MCC: variants seen among roughly 807,000 people sequenced by gnomAD.
MCC encodes colorectal mutant cancer protein.
MCC carries 90 observed loss-of-function variants against 116.2 expected under a neutral mutation model. The observed-to-expected ratio is 0.77, with a 90% CI of 0.65 to 0.92. The LOEUF (loss-of-function observed/expected upper bound fraction) is 0.92, where lower values mean the gene tolerates loss of function less well. Among genes scored for constraint, MCC ranks in the 40% least tolerant of loss-of-function variants. MCC has a pLI of 0.00. For missense variants in MCC, 1,516 were observed against 1,312.2 expected, an observed-to-expected ratio of 1.16 and a Z score of -2.40; for synonymous variants, 578 against 510.5, an observed-to-expected ratio of 1.13 and a Z score of -1.78.
At chr5:113,332,548 A>AATG (rs1162106188) in intron 3 of MCC, among the ~76,000 whole-genome samples, 6 of 141,844 alleles carry the variant, frequency 4.2e-5, no homozygotes, top group African/African-American at 1.4e-4. Flanking sequence ...TGGGTGACAG[A>AATG]ATGAGAACCT....
chr5:113,424,534 G>A (rs1770433430), intron 1 of MCC, among the ~76,000 whole-genome samples: 1 of 152,112 alleles, frequency 6.6e-6, no homozygotes, highest in Non-Finnish European at 1.5e-5. Context: ...CACCATCATG[G>A]TGAAACACCA....
In MCC at chr5:113,071,081, A is replaced by C; in HGVS notation, c.1925+13T>G. On this transcript the variant is annotated intron_variant, in intron 12 of 18. Coordinates refer to ENST00000408903, the MANE Select transcript of MCC (RefSeq NM_001085377.2). ...ACCCTGAAGTAGCTCCAAACATCCC[A>C]GTGTGTGCCTACCTGTACTGCAAGG... is the stretch of plus-strand genomic sequence containing the variant. The C allele has an allele frequency of 6.4e-7, 1 of 1,568,816 alleles. No individual in the cohort carries two copies. Among genetic ancestry groups the C allele is most frequent in the African/African-American group, 1.6e-5 (1 of 63,802 alleles).
At chr5:113,283,665 C>G (rs1766140071) in intron 3 of MCC, among the ~76,000 whole-genome samples, 1 of 152,124 alleles carries the variant, frequency 6.6e-6, no homozygotes, top group South Asian at 2.1e-4. Context: ...ATTCCCCCCG[C>G]AAAAAGAAAG....
In MCC at chr5:113,398,961, TAA is replaced by T. The variant is rs1173783063; in HGVS notation, c.171-13751_171-13750del. On this transcript the variant is annotated intron_variant, in intron 1 of 18. Coordinates refer to ENST00000408903, the MANE Select transcript of MCC (RefSeq NM_001085377.2). ...CAGCCACTAGTCACAGGTGGCTGTT[TAA>T]GTTTACATTTAAATTAATTAAAATG... Among the ~76,000 whole-genome samples the T allele has an allele frequency of 6.6e-5, 10 of 152,328 alleles. No homozygotes were observed. In the East Asian group the frequency reaches 1.5e-3, roughly 23 times the overall value.
intron 3 of MCC, among the ~76,000 whole-genome samples, chr5:113,212,637 C>A (rs1763174195): frequency 6.6e-6 from 1 of 152,202 alleles, no homozygotes; most frequent in African/African-American, 2.4e-5. Flanking sequence ...TTTTAGGCAA[C>A]ACCACCTGCA....
At chr5:113,100,176 T>A (rs918728908) in intron 8 of MCC, among the ~76,000 whole-genome samples, 1 of 152,142 alleles carries the variant, frequency 6.6e-6, no homozygotes, top group Non-Finnish European at 1.5e-5. Context: ...TGCCAGCCTT[T>A]TAATTATGAC....
intron 1 of MCC, among the ~76,000 whole-genome samples, chr5:113,432,320 C>CAAAAAAAAAAAAAAAAAAA (rs66577040): frequency 1.5e-5 from 1 of 68,610 alleles, no homozygotes; most frequent in African/African-American, 4.9e-5. Context: ...GACTCTGTCT[C>CAAAAAAAAAAAAAAAAAAA]AAAAAAAAAA....
intron 3 of MCC, among the ~76,000 whole-genome samples, chr5:113,217,507 G>C (rs1763369318): frequency 6.7e-6 from 1 of 149,080 alleles, no homozygotes; most frequent in South Asian, 2.1e-4. Flanking sequence ...AGTACATGGG[G>C]GCTAGAACAG....
intron 1 of MCC, among the ~76,000 whole-genome samples, chr5:113,428,973 C>A (rs1770552392): frequency 6.6e-6 from 1 of 152,146 alleles, no homozygotes; most frequent in Non-Finnish European, 1.5e-5. Context: ...TAACCTAGAC[C>A]TATTAAGGTA....
At chr5:113,210,832 C>A (rs186366922) in intron 3 of MCC, among the ~76,000 whole-genome samples, 12 of 152,286 alleles carry the variant, frequency 7.9e-5, no homozygotes, top group African/African-American at 2.9e-4. Context: ...TCGACCCTAA[C>A]CCTACCTTAC....
chr5:113,184,830 A>G (rs555054330), intron 3 of MCC, among the ~76,000 whole-genome samples: 1 of 152,304 alleles, frequency 6.6e-6, no homozygotes, highest in Admixed American at 6.5e-5. Flanking sequence ...TCGCATCTCC[A>G]ATTCTATAAT....
At chr5:113,193,837 T>A (rs1281081033) in intron 3 of MCC, among the ~76,000 whole-genome samples, 1 of 152,124 alleles carries the variant, frequency 6.6e-6, no homozygotes, top group Non-Finnish European at 1.5e-5. Context: ...ATGCTACATA[T>A]ACACCTAGGA....
At position 113,108,147 on chromosome 5, in the gene MCC, C is replaced by T. The variant is rs534121361; in HGVS notation, c.1028-3792G>A. On this transcript the variant is annotated intron_variant, in intron 6 of 18. Transcript: ENST00000408903. Reference sequence around the variant, plus strand: ...ATCACCTGAGATCAGGAGTTCAAGACTGGCCTGGCCAATATTGTGAAACCC... The same window carrying T: ...ATCACCTGAGATCAGGAGTTCAAGATTGGCCTGGCCAATATTGTGAAACCC... Among the ~76,000 whole-genome samples the T allele has an allele frequency of 1.8e-4, 27 of 151,736 alleles. No homozygotes were observed. The South Asian group carries it at 5.2e-3, about 29-fold the overall frequency.
At chr5:113,294,266 G>A in intron 3 of MCC, 14 of 1,610,026 alleles carry the variant, frequency 8.7e-6, no homozygotes, top group African/African-American at 1.3e-5. Context: ...GTCGAGGGGA[G>A]GGGGATTTGT....
chr5:113,061,927 T>C (rs1002662570), intron 14 of MCC, among the ~76,000 whole-genome samples: 1 of 152,228 alleles, frequency 6.6e-6, no homozygotes, highest in Non-Finnish European at 1.5e-5. Context: ...ATTACTATAA[T>C]TATCATAATT....
intron 5 of MCC, among the ~76,000 whole-genome samples, chr5:113,138,147 G>A (rs748480262): frequency 1.4e-4 from 21 of 152,106 alleles, no homozygotes; most frequent in Non-Finnish European, 2.6e-4. Flanking sequence ...CTCCCAAGTA[G>A]TTGGGACTAT....
chr5:113,487,819 C>T (rs1051605283), intron 1 of MCC, among the ~76,000 whole-genome samples: 14 of 151,278 alleles, frequency 9.3e-5, no homozygotes, highest in Non-Finnish European at 1.8e-4. Context: ...CCCGGTGCGG[C>T]CCTGGGGTGT....
intron 1 of MCC, among the ~76,000 whole-genome samples, chr5:113,467,166 T>C (rs1771934135): frequency 6.6e-6 from 1 of 152,008 alleles, no homozygotes; most frequent in African/African-American, 2.4e-5. Flanking sequence ...TTTCTTTTGC[T>C]GTGCAGAAGC....
At chr5:113,295,839 TAA>T (rs1189865908) in intron 3 of MCC, among the ~76,000 whole-genome samples, 2 of 152,186 alleles carry the variant, frequency 1.3e-5, no homozygotes, top group African/African-American at 4.8e-5. Context: ...CGAGATTGCT[TAA>T]GAGACCTCAT....
Sources: gnomAD v4.1 joint callset for allele counts (sites outside exome capture counted in the v4.1 genomes callset) on GRCh38, gnomAD v4.1.1 for gene constraint, MANE v1.5 for transcripts, NCBI Gene and HGNC (gene_info 2026-07-23, HGNC 2026-07-21) for gene names.